SHISAL1: variants seen among roughly 807,000 people sequenced by gnomAD.
SHISAL1 encodes the protein protein shisa-like-1.
In SHISAL1, 9 loss-of-function variants were observed where a neutral mutation model predicts 22.6. That is an observed-to-expected ratio of 0.40 (90% CI 0.24 to 0.70). The LOEUF is 0.70. Among genes scored for constraint, SHISAL1 ranks in the 30% least tolerant of loss-of-function variants. The pLI is 0.39. For missense variants in SHISAL1, 246 were observed against 270.6 expected, an observed-to-expected ratio of 0.91 and a Z score of 0.64; for synonymous variants, 119 against 115.4, an observed-to-expected ratio of 1.03 and a Z score of -0.20.
chr22:44,312,059 C>T (rs2055522757), intron 1 of SHISAL1, among the ~76,000 whole-genome samples: 1 of 152,190 alleles, frequency 6.6e-6, no homozygotes, highest in African/African-American at 2.4e-5. Context: ...CTTCAGCTCC[C>T]TCAGCCTCCC....
At chr22:44,257,643 C>T (rs2055093592) in intron 4 of SHISAL1, among the ~76,000 whole-genome samples, 2 of 152,206 alleles carry the variant, frequency 1.3e-5, no homozygotes, top group Non-Finnish European at 2.9e-5. Flanking sequence ...TGAGATGTCA[C>T]TTTAAAGCCA....
At chr22:44,250,931 C>G (rs757164643) in intron 4 of SHISAL1, among the ~76,000 whole-genome samples, 1 of 152,218 alleles carries the variant, frequency 6.6e-6, no homozygotes, top group Admixed American at 6.5e-5. Flanking sequence ...GTGAGTGATA[C>G]GCCAAGAGGC....
intron 4 of SHISAL1, among the ~76,000 whole-genome samples, chr22:44,253,425 A>AT (rs1491154287): frequency 0.017 from 1,812 of 107,794 alleles, 143 homozygotes; most frequent in African/African-American, 0.032. Context: ...GTATTAGTGC[A>AT]TGTTTTTTTT....
chr22:44,293,229 G>A (rs1260806747), intron 3 of SHISAL1, among the ~76,000 whole-genome samples: 2 of 152,204 alleles, frequency 1.3e-5, no homozygotes, highest in East Asian at 1.9e-4. Context: ...AAGCCTGGGG[G>A]AGGAGAAGGA....
At chr22:44,330,486 G>T in the SHISAL1 span, among the ~76,000 whole-genome samples, 1 of 152,138 alleles carries the variant, frequency 6.6e-6, no homozygotes, top group African/African-American at 2.4e-5. Context: ...GTGCTCTCCC[G>T]CAGATTACAT....
intron 4 of SHISAL1, among the ~76,000 whole-genome samples, chr22:44,271,826 A>G (rs966719607): frequency 2.6e-5 from 4 of 152,034 alleles, no homozygotes; most frequent in African/African-American, 9.7e-5. Flanking sequence ...TGCAGCCCGG[A>G]GGGTGATTAT....
In SHISAL1 at chr22:44,247,670, TA is replaced by T. The variant is rs1192988743; in HGVS notation, c.*2014del. ...CCAGCTGAGTCTGTCTTCTTGTCCATAAAATGGGGAGAGCCCCTTCTTCATG... is the reference window on the plus strand; with the variant it reads ...CCAGCTGAGTCTGTCTTCTTGTCCATAAATGGGGAGAGCCCCTTCTTCATG... On this transcript the variant is annotated 3_prime_UTR_variant, in exon 5 of 5. Transcript: ENST00000381176. 1 of 152,264 alleles carries T rather than the reference TA, an allele frequency of 6.6e-6. No homozygotes were observed. The highest frequency in any genetic ancestry group is 1.5e-5 in the Non-Finnish European group (1 of 68,078). The allele number at this position is 152,264 out of a possible 1,614,324, so 9.4% of individuals were successfully genotyped here. A position where few individuals can be genotyped will look rare whatever the true frequency, so the allele number is the denominator to read the frequency against.
At chr22:44,260,127 C>T (rs545932897) in intron 4 of SHISAL1, among the ~76,000 whole-genome samples, 230 of 152,282 alleles carry the variant, frequency 1.5e-3, no homozygotes, top group African/African-American at 5.3e-3. Context: ...CTCCTCACTC[C>T]CTCCCCTGCA....
rs576460555 is a variant in SHISAL1, at chr22:44,249,577, C to T, written c.*108G>A. ...GCAGCATTTCCTCCTGTGCCACCGC[C>T]GCTACCTCGGCTGTCCCTGGCATCT... On this transcript the variant is annotated 3_prime_UTR_variant, in exon 5 of 5. Coordinates refer to ENST00000381176, the MANE Select transcript of SHISAL1 (RefSeq NM_001099294.2). 2.0e-4 allele frequency: 151 copies of T among 747,038 alleles called. No homozygotes were observed. The highest frequency in any genetic ancestry group is 8.7e-4 in the African/African-American group (50 of 57,234). 46.3% of individuals were successfully genotyped at this position (747,038 alleles called of 1,614,324 possible).
chr22:44,273,544 C>T (rs1197542403), intron 4 of SHISAL1, among the ~76,000 whole-genome samples: 1 of 152,192 alleles, frequency 6.6e-6, no homozygotes, highest in East Asian at 1.9e-4. Flanking sequence ...TCCCAAAATT[C>T]CTACACCCTA....
the SHISAL1 span, among the ~76,000 whole-genome samples, chr22:44,327,728 T>C: frequency 2.6e-3 from 390 of 152,166 alleles, 1 homozygote; most frequent in African/African-American, 8.9e-3. Context: ...GCCACCCTCC[T>C]GCCAGGCCCT....
At chr22:44,290,149 G>C (rs1423078714) in intron 3 of SHISAL1, among the ~76,000 whole-genome samples, 2 of 152,230 alleles carry the variant, frequency 1.3e-5, no homozygotes, top group Non-Finnish European at 2.9e-5. Context: ...TGGAGGAGGA[G>C]AGTTCCTGAG....
At position 44,247,991 on chromosome 22, in the gene SHISAL1, T is replaced by C. The variant is rs9614401; in HGVS notation, c.*1694A>G. 13,137 of 152,230 alleles carry C rather than the reference T, an allele frequency of 0.086. 613 individuals carry two copies. Among genetic ancestry groups the C allele is most frequent in the East Asian group, 0.13 (641 of 5,126 alleles). The allele number at this position is 152,230 out of a possible 1,614,324, so 9.4% of individuals were successfully genotyped here. On this transcript the variant is annotated 3_prime_UTR_variant, in exon 5 of 5. Coordinates refer to ENST00000381176, the MANE Select transcript of SHISAL1 (RefSeq NM_001099294.2). ...GCCTGGAATGCTCTTTTCCTATCTT[T>C]AACGCCCATTACTGGCTCCTGTGTG...
At chr22:44,274,948 C>T (rs1024608489) in intron 4 of SHISAL1, among the ~76,000 whole-genome samples, 15 of 152,314 alleles carry the variant, frequency 9.8e-5, no homozygotes, top group African/African-American at 2.2e-4. Flanking sequence ...ATTGTACTGA[C>T]GGGAACACTG....
chr22:44,286,847 C>T (rs2055319272), intron 3 of SHISAL1, among the ~76,000 whole-genome samples: 1 of 152,228 alleles, frequency 6.6e-6, no homozygotes, highest in Non-Finnish European at 1.5e-5. Context: ...CTGTGGCTGC[C>T]TGAAGCCACC....
At chr22:44,272,741 C>A (rs898109745) in intron 4 of SHISAL1, among the ~76,000 whole-genome samples, 2 of 152,206 alleles carry the variant, frequency 1.3e-5, no homozygotes, top group Admixed American at 1.3e-4. Context: ...ACCACCTTGC[C>A]CCTTGTCCTG....
Position 44,269,274 on chromosome 22 carries a change from AAC to A in SHISAL1, c.599+16152_599+16153del, listed in dbSNP as rs535062367. Among the ~76,000 whole-genome samples the A allele has an allele frequency of 7.9e-4, 118 of 149,398 alleles. 1 individual carries two copies. Among genetic ancestry groups the A allele is most frequent in the Middle Eastern group, 3.5e-3 (1 of 282 alleles). ...ACACACACGCCACACAGACACCCAC[AAC>A]ACACATACACACACCCCATGCCACA... On this transcript the variant is annotated intron_variant, in intron 4 of 4. Coordinates refer to ENST00000381176, the MANE Select transcript of SHISAL1 (RefSeq NM_001099294.2).
At position 44,308,060 on chromosome 22, in the gene SHISAL1, T is replaced by C. The variant is rs2055491877; in HGVS notation, c.-33+4691A>G. Among the ~76,000 whole-genome samples the C allele has an allele frequency of 2.0e-5, 3 of 152,194 alleles. No individual in the cohort carries two copies. In the South Asian group the frequency reaches 6.2e-4, roughly 32 times the overall value. ...AGGACTGGGTCTAGGGCAGCAGGGC[T>C]TGGGGGTCGAGCCCTCTGCCTGGGA... On this transcript the variant is annotated intron_variant, in intron 1 of 4. Transcript: ENST00000381176.
At chr22:44,253,158 T>G (rs971407066) in intron 4 of SHISAL1, among the ~76,000 whole-genome samples, 1 of 152,126 alleles carries the variant, frequency 6.6e-6, no homozygotes, top group Non-Finnish European at 1.5e-5. Flanking sequence ...TTTACCATAA[T>G]TTTTAAAAAG....
Sources: gnomAD v4.1 joint callset for allele counts (sites outside exome capture counted in the v4.1 genomes callset) on GRCh38, gnomAD v4.1.1 for gene constraint, MANE v1.5 for transcripts, NCBI Gene and HGNC (gene_info 2026-07-23, HGNC 2026-07-21) for gene names.